Variants in THAP8 observed in about 807,000 individuals in gnomAD.
THAP8 encodes the protein THAP domain-containing protein 8.
In THAP8, 24 loss-of-function variants were observed where a neutral mutation model predicts 25.0. That is an observed-to-expected ratio of 0.96 (90% CI 0.69 to 1.35). The LOEUF (loss-of-function observed/expected upper bound fraction) is 1.35, where lower values mean the gene tolerates loss of function less well. Ranked by LOEUF, THAP8 falls within the 40% of genes most tolerant of loss-of-function variation. The pLI is 0.00. For synonymous variants in THAP8, 169 were observed against 157.6 expected (o/e 1.07, Z -0.54); for missense variants, 399 against 368.8 (o/e 1.08, Z -0.67).
intron 1 of THAP8, among the ~76,000 whole-genome samples, chr19:36,053,286 T>A (rs374885749): frequency 7.1e-6 from 1 of 140,672 alleles, no homozygotes; most frequent in East Asian, 2.1e-4. Context: ...CAGGCTGGTC[T>A]CGAACTCCTG....
upstream of THAP8, chr19:36,054,452 G>T: frequency 1.7e-6 from 1 of 597,758 alleles, no homozygotes; most frequent in Non-Finnish European, 3.0e-6. Context: ...CTGTGCACCT[G>T]CGCAAAGCCG....
Position 36,054,044 on chromosome 19 carries a change from G to A in THAP8, c.83+91C>T, listed in dbSNP as rs958808723. 22 of 1,434,422 alleles carry A rather than the reference G, an allele frequency of 1.5e-5. 1 individual carries two copies. The highest frequency in any genetic ancestry group is 2.0e-5 in the Non-Finnish European group (21 of 1,043,572). The allele number at this position is 1,434,422 out of a possible 1,614,324, so 88.9% of individuals were successfully genotyped here. ...CCCACTTCCTAACACCCTCAAGCAA[G>A]ACCAGAAGCCCCGCACAGCAGCACT... On this transcript the variant is annotated intron_variant, in intron 1 of 3. Coordinates refer to ENST00000292894, the MANE Select transcript of THAP8 (RefSeq NM_152658.3).
At chr19:36,045,205 A>G (rs1285846268) in intron 1 of THAP8, among the ~76,000 whole-genome samples, 2 of 151,982 alleles carry the variant, frequency 1.3e-5, no homozygotes, top group South Asian at 4.1e-4. Context: ...CTCCTGCCTC[A>G]GCCTCCCGAG....
rs547227260 is a variant in THAP8 at position 36,039,417 on chromosome 19, C to A, written c.578G>T (p.Arg193Leu). Residue 193 changes from arginine (R) to leucine (L), a missense_variant, in exon 3 of 4, where the codon CGG (arginine) becomes CTG (leucine). Coordinates refer to ENST00000292894, the MANE Select transcript of THAP8 (RefSeq NM_152658.3). ...CAGGGCCTGCAGCTGCGCCTGGTGC[C>A]GCTCCTGGCACCGTTGCAGCCTCCG... ...RVRRLQRCQE[R>L]HQAQLQALER... 1.9e-6 allele frequency: 3 copies of A among 1,566,954 alleles called. No individual in the cohort carries two copies. The highest frequency in any genetic ancestry group is 2.7e-5 in the African/African-American group (2 of 73,862).
intron 1 of THAP8, among the ~76,000 whole-genome samples, chr19:36,047,916 CTG>C (rs1050121871): frequency 2.0e-4 from 30 of 152,056 alleles, no homozygotes; most frequent in African/African-American, 7.0e-4. Flanking sequence ...TTGCCAACCT[CTG>C]TACTTTCTGT....
intron 3 of THAP8, 37 bp downstream of exon 3, chr19:36,039,286 C>G: frequency 7.0e-7 from 1 of 1,431,948 alleles, no homozygotes; most frequent in South Asian, 1.5e-5. Flanking sequence ...CAGGCCACCA[C>G]CCATGGATGG....
rs371856070 is a variant in THAP8, at chr19:36,041,106, T to G, written c.84-970A>C. 2.9e-4 allele frequency among the ~76,000 whole-genome samples: 44 copies of G among 150,674 alleles called. No homozygotes were observed. In the South Asian group the frequency reaches 6.1e-3, roughly 21 times the overall value. On this transcript the variant is annotated intron_variant, in intron 1 of 3. Transcript: ENST00000292894. ...TGGGAGGATCGCTTGAGCCCAGGAG[T>G]TCGAGACCAGCCTGGGCAACATAGG...
At position 36,039,688 on chromosome 19, in the gene THAP8, G is replaced by A; in HGVS notation, c.307C>T (p.Pro103Ser). 1.3e-6 allele frequency: 2 copies of A among 1,524,524 alleles called. No homozygotes were observed. Among genetic ancestry groups the A allele is most frequent in the Non-Finnish European group, 8.8e-7 (1 of 1,134,766 alleles). The allele number at this position is 1,524,524 out of a possible 1,614,324, so 94.4% of individuals were successfully genotyped here. The change falls in exon 3 of 4, where the codon CCA (proline) becomes TCA (serine). Residue 103 changes from proline (P) to serine (S), a missense_variant. Coordinates refer to ENST00000292894, the MANE Select transcript of THAP8 (RefSeq NM_152658.3). ...SQRRTRSTQK[P>S]VSPPPPLQKN... The stretch of plus-strand genomic sequence containing the variant: ...TGTAGGGGAGGCGGCGGCGAGACTG[G>A]CTTCTGGGTGCTTCGGGTCCTCCGC...
intron 3 of THAP8, 85 bp from the exon 4 acceptor site, chr19:36,035,677 GC>G: frequency 1.3e-6 from 2 of 1,500,064 alleles, no homozygotes; most frequent in Non-Finnish European, 1.8e-6. Context: ...GAACAGGGAG[GC>G]AAAGGTGGCA....
In THAP8 at chr19:36,054,041, C is replaced by G. The variant is rs1970189623; in HGVS notation, c.83+94G>C. 2.1e-6 allele frequency: 3 copies of G among 1,419,078 alleles called. No homozygotes were observed. The East Asian group carries it at 7.4e-5, about 35-fold the overall frequency. The allele number at this position is 1,419,078 out of a possible 1,614,324, so 87.9% of individuals were successfully genotyped here. A position where few individuals can be genotyped will look rare whatever the true frequency, so the allele number is the denominator to read the frequency against. ...AACCCCACTTCCTAACACCCTCAAG[C>G]AAGACCAGAAGCCCCGCACAGCAGC... On this transcript the variant is annotated intron_variant, in intron 1 of 3. Transcript: ENST00000292894.
intron 1 of THAP8, chr19:36,046,074 T>G: frequency 2.8e-6 from 1 of 363,274 alleles, no homozygotes; most frequent in East Asian, 7.3e-5. Flanking sequence ...AAATCTCATC[T>G]TGAACTGTAA....
chr19:36,041,312 TAA>T (rs76247583), intron 1 of THAP8, among the ~76,000 whole-genome samples: 48 of 140,110 alleles, frequency 3.4e-4, no homozygotes, highest in Non-Finnish European at 3.1e-4. Flanking sequence ...ACCCTGTCTT[TAA>T]AAAAAAAAAA....
rs1480342043 is a variant in THAP8, at chr19:36,039,479, C to T, written c.516G>A (p.Gly172=). 6.3e-7 allele frequency: 1 copy of T among 1,596,680 alleles called. No individual in the cohort carries two copies. Among genetic ancestry groups the T allele is most frequent in the South Asian group, 1.1e-5 (1 of 89,202 alleles). The change falls in exon 3 of 4, where the codon GGG becomes GGA. Residue 172 remains glycine, a synonymous_variant. Transcript: ENST00000292894. The part of the protein sequence containing the change: ...PEVPAQQAQT[G]LGPVLGALQR... ...GCAGTGCTCCCAGCACTGGGCCCAG[C>T]CCGGTCTGGGCCTGTTGGGCAGGGA... is the stretch of plus-strand genomic sequence containing the variant.
chr19:36,045,069 C>CTTTATTTA (rs141529354), intron 1 of THAP8, among the ~76,000 whole-genome samples: 23 of 151,374 alleles, frequency 1.5e-4, no homozygotes, highest in African/African-American at 4.6e-4. Flanking sequence ...GTGACTATTA[C>CTTTATTTA]TTTATTTATT....
chr19:36,035,696 G>T (rs550591267), intron 3 of THAP8, 104 bp from the exon 4 acceptor site: 5 of 1,348,456 alleles, frequency 3.7e-6, no homozygotes, highest in Non-Finnish European at 5.2e-6. Flanking sequence ...GCAGGAGGGC[G>T]TGTCAGGAAA....
In THAP8 at chr19:36,035,330, G is replaced by T; in HGVS notation, c.*110C>A. The T allele has an allele frequency of 2.9e-6, 4 of 1,395,874 alleles. No individual in the cohort carries two copies. The highest frequency in any genetic ancestry group is 3.9e-6 in the Non-Finnish European group (4 of 1,033,808). The allele number at this position is 1,395,874 out of a possible 1,614,324, so 86.5% of individuals were successfully genotyped here. Reference sequence around the variant, plus strand: ...TGGTAGAACCCAGGCCCTTGAGGGAGGCACTGCTACTACCCAGGCGTGGGC... The same window carrying T: ...TGGTAGAACCCAGGCCCTTGAGGGATGCACTGCTACTACCCAGGCGTGGGC... On this transcript the variant is annotated 3_prime_UTR_variant, in exon 4 of 4. Coordinates refer to ENST00000292894, the MANE Select transcript of THAP8 (RefSeq NM_152658.3).
Position 36,039,457 on chromosome 19 carries a change from G to T in THAP8, c.538C>A (p.Leu180Met). The T allele has an allele frequency of 6.2e-7, 1 of 1,600,164 alleles. No individual in the cohort carries two copies. Among genetic ancestry groups the T allele is most frequent in the Non-Finnish European group, 8.5e-7 (1 of 1,172,816 alleles). The change falls in exon 3 of 4, where the codon CTG (leucine) becomes ATG (methionine). Residue 180 changes from leucine (L) to methionine (M), a missense_variant. Coordinates refer to ENST00000292894, the MANE Select transcript of THAP8 (RefSeq NM_152658.3). ...TGCAGCCTCCGCACCCGGCGTTGCA[G>T]TGCTCCCAGCACTGGGCCCAGCCCG... ...QTGLGPVLGA[L>M]QRRVRRLQRC...
At chr19:36,049,158 T>C (rs1969979906) in intron 1 of THAP8, among the ~76,000 whole-genome samples, 1 of 151,924 alleles carries the variant, frequency 6.6e-6, no homozygotes, top group Non-Finnish European at 1.5e-5. Context: ...CTGGTCCGAG[T>C]GTTGTGGGTT....
At chr19:36,048,865 C>CAAAA (rs1020228535) in intron 1 of THAP8, among the ~76,000 whole-genome samples, 5 of 120,288 alleles carry the variant, frequency 4.2e-5, no homozygotes, top group African/African-American at 1.3e-4. Context: ...AACAAAAAAA[C>CAAAA]AAAAAACACC....
Sources: allele counts gnomAD v4.1 joint callset (sites outside exome capture counted in the v4.1 genomes callset), GRCh38; gene constraint gnomAD v4.1.1; transcripts MANE v1.5; gene names NCBI Gene and HGNC (gene_info 2026-07-23, HGNC 2026-07-21).